CERT1: variants seen among roughly 807,000 people sequenced by gnomAD.
The protein encoded by CERT1 is ceramide transporter 1.
Under a neutral mutation model 87.9 loss-of-function variants are expected in CERT1, and 31 were observed. The observed-to-expected ratio is 0.35, with a 90% CI of 0.27 to 0.48. The LOEUF is 0.48. CERT1 is among the 20% of genes least tolerant of loss of function. CERT1 has a pLI of 0.99. For synonymous variants in CERT1, 289 were observed against 250.9 expected, an observed-to-expected ratio of 1.15 and a Z score of -1.44; for missense variants, 487 against 758.0, an observed-to-expected ratio of 0.64 and a Z score of 4.20.
intron 11 of CERT1, among the ~76,000 whole-genome samples, chr5:75,398,026 A>C (rs1318534514): frequency 2.6e-5 from 4 of 151,930 alleles, no homozygotes; most frequent in South Asian, 4.1e-4. Context: ...CTCGAAAATA[A>C]ATAAGTAAAA....
chr5:75,410,986 C>A (rs1762913965), intron 8 of CERT1, 25 bp downstream of exon 8: 3 of 1,301,730 alleles, frequency 2.3e-6, no homozygotes, highest in East Asian at 4.7e-5. Context: ...ATGTGTTTCT[C>A]TAAGATCAAA....
intron 8 of CERT1, 27 bp from the exon 9 acceptor site, chr5:75,403,085 A>T: frequency 6.7e-7 from 1 of 1,499,492 alleles, no homozygotes; most frequent in Non-Finnish European, 9.2e-7. Context: ...TGGAGAAAAA[A>T]GCAGTTTATT....
At chr5:75,374,950 GAC>G (rs1305131824), downstream of CERT1, 2 of 256,770 alleles carry the variant, frequency 7.8e-6, no homozygotes, top group South Asian at 4.4e-5. Flanking sequence ...AGTGTGAAGT[GAC>G]ACAGTGTATT....
In CERT1 at chr5:75,460,587, TA is replaced by T. The variant is rs545498084; in HGVS notation, c.232-1407del. Among the ~76,000 whole-genome samples the T allele has an allele frequency of 4.4e-4, 67 of 152,344 alleles. No homozygotes were observed. In the South Asian group the frequency reaches 6.8e-3, roughly 16 times the overall value. On this transcript the variant is annotated intron_variant, in intron 2 of 16. Coordinates refer to ENST00000643780, the MANE Select transcript of CERT1 (RefSeq NM_001379029.1). ...CCACCTCTTTTTCCACCAGATACAG[TA>T]GAGAGAGTCAATCAATATCCTCTCC...
intron 17 of CERT1, chr5:75,370,431 A>C (rs965625712): frequency 2.0e-5 from 3 of 152,236 alleles, no homozygotes; most frequent in Non-Finnish European, 2.9e-5. Context: ...CTCAATTACA[A>C]AATAAGTGTG....
chr5:75,498,407 T>C (rs772742569), intron 2 of CERT1, among the ~76,000 whole-genome samples: 5 of 152,224 alleles, frequency 3.3e-5, no homozygotes, highest in Middle Eastern at 3.4e-3. Context: ...CCTGGAGGCC[T>C]AGGAGGGAAA....
At chr5:75,502,715 A>G (rs1481655869) in intron 2 of CERT1, among the ~76,000 whole-genome samples, 3 of 152,142 alleles carry the variant, frequency 2.0e-5, no homozygotes, top group Non-Finnish European at 4.4e-5. Context: ...TACTTCTTAA[A>G]CTTTTTAATG....
chr5:75,494,492 C>T (rs1398942856), intron 2 of CERT1, among the ~76,000 whole-genome samples: 1 of 150,614 alleles, frequency 6.6e-6, no homozygotes, highest in South Asian at 2.2e-4. Flanking sequence ...CTGGTGACTA[C>T]TCCTCTACCC....
At chr5:75,438,142 A>G (rs1764173942) in intron 3 of CERT1, among the ~76,000 whole-genome samples, 1 of 152,150 alleles carries the variant, frequency 6.6e-6, no homozygotes, top group Non-Finnish European at 1.5e-5. Flanking sequence ...TAAATTCTTA[A>G]ATTGATTTTA....
intron 1 of CERT1, among the ~76,000 whole-genome samples, chr5:75,508,699 A>G (rs1030276480): frequency 6.6e-6 from 1 of 152,204 alleles, no homozygotes; most frequent in Non-Finnish European, 1.5e-5. Context: ...TATTTAGAAT[A>G]AGAGTCAGAA....
downstream of CERT1, chr5:75,376,281 A>G (rs1761312136): frequency 6.6e-6 from 1 of 152,240 alleles, no homozygotes; most frequent in African/African-American, 2.4e-5. Flanking sequence ...GCTTTAATAC[A>G]AAGTTGTATT....
chr5:75,509,791 C>G (rs934536711), intron 1 of CERT1, among the ~76,000 whole-genome samples: 2 of 152,204 alleles, frequency 1.3e-5, no homozygotes, highest in Admixed American at 1.3e-4. Context: ...CTATTACCAA[C>G]TGAAAATGTA....
At chr5:75,503,998 A>C (rs1767535651) in intron 2 of CERT1, among the ~76,000 whole-genome samples, 1 of 87,450 alleles carries the variant, frequency 1.1e-5, no homozygotes, top group Admixed American at 1.2e-4. Context: ...AAATCCACAG[A>C]AACTAGCATG....
intron 7 of CERT1, among the ~76,000 whole-genome samples, chr5:75,412,579 A>C (rs1325652761): frequency 6.6e-6 from 1 of 152,234 alleles, no homozygotes; most frequent in Non-Finnish European, 1.5e-5. Context: ...GAGTGTACTT[A>C]TATAAACCTA....
At chr5:75,387,797 GTAGACAATTGTTA>G (rs1761859796) in intron 12 of CERT1, among the ~76,000 whole-genome samples, 1 of 151,674 alleles carries the variant, frequency 6.6e-6, no homozygotes, top group South Asian at 2.1e-4. Flanking sequence ...GTCTACTGTT[GTAGACAATTGTTA>G]TAGACAACGA....
At chr5:75,383,572 T>C (rs1208856580) in intron 14 of CERT1, among the ~76,000 whole-genome samples, 3 of 152,162 alleles carry the variant, frequency 2.0e-5, no homozygotes, top group African/African-American at 7.2e-5. Flanking sequence ...TCTTAATTGT[T>C]ATGCATTTCT....
At chr5:75,423,854 A>C (rs1262997631) in intron 5 of CERT1, among the ~76,000 whole-genome samples, 1 of 152,202 alleles carries the variant, frequency 6.6e-6, no homozygotes, top group Non-Finnish European at 1.5e-5. Flanking sequence ...AAAGGAGATA[A>C]AGTGGAATTA....
At chr5:75,390,084 T>C (rs942518401) in intron 11 of CERT1, among the ~76,000 whole-genome samples, 1 of 152,160 alleles carries the variant, frequency 6.6e-6, no homozygotes, top group Non-Finnish European at 1.5e-5. Context: ...AATGTTCCTA[T>C]ATTTAAGATT....
At chr5:75,401,644 G>C (rs1302207454) in intron 9 of CERT1, 1 of 152,020 alleles carries the variant, frequency 6.6e-6, no homozygotes, top group African/African-American at 2.4e-5. Flanking sequence ...AGCATCTTTT[G>C]GGTATAAAAA....
Sources: allele counts gnomAD v4.1 joint callset (sites outside exome capture counted in the v4.1 genomes callset), GRCh38; gene constraint gnomAD v4.1.1; transcripts MANE v1.5; gene names NCBI Gene and HGNC (gene_info 2026-07-23, HGNC 2026-07-21).